ROBO1: variants seen among roughly 807,000 people sequenced by gnomAD.
The protein encoded by ROBO1 is roundabout homolog 1.
Under a neutral mutation model 195.9 loss-of-function variants are expected in ROBO1, and 149 were observed. The ratio of observed to expected loss-of-function variants is 0.76; its 90% CI spans 0.67 to 0.87. ROBO1 has a LOEUF of 0.87. Ranked by LOEUF, ROBO1 falls within the 40% of genes least tolerant of loss-of-function variation. The pLI is 0.00. For missense variants in ROBO1, 1,933 were observed against 2,068.3 expected (o/e 0.93, Z 1.27); for synonymous variants, 816 against 733.2 (o/e 1.11, Z -1.82).
chr3:78,641,333 T>A (rs546577630), intron 21 of ROBO1, among the ~76,000 whole-genome samples: 18 of 152,122 alleles, frequency 1.2e-4, no homozygotes, highest in Non-Finnish European at 1.5e-5. Flanking sequence ...TAAGATTTTA[T>A]AAACACATAC....
At chr3:79,681,414 A>C (rs1386561542) in intron 1 of ROBO1, among the ~76,000 whole-genome samples, 1 of 152,030 alleles carries the variant, frequency 6.6e-6, no homozygotes, top group African/African-American at 2.4e-5. Flanking sequence ...TTGAGTATAT[A>C]GAGAATATTA....
chr3:79,385,464 T>A (rs1360819625), intron 2 of ROBO1, among the ~76,000 whole-genome samples: 1 of 150,894 alleles, frequency 6.6e-6, no homozygotes, highest in African/African-American at 2.5e-5. Context: ...CTCAGTATCA[T>A]CATTGTAATG....
chr3:79,561,828 G>A (rs971091132), intron 2 of ROBO1, among the ~76,000 whole-genome samples: 1 of 152,004 alleles, frequency 6.6e-6, no homozygotes, highest in African/African-American at 2.4e-5. Flanking sequence ...CGCATAATAC[G>A]AATCACTGGG....
In ROBO1 at chr3:79,120,190, A is replaced by G. The variant is rs1576698936; in HGVS notation, c.172+5266T>C. Among the ~76,000 whole-genome samples, 4 of 152,322 alleles carry G rather than the reference A, an allele frequency of 2.6e-5. No homozygotes were observed. The South Asian group carries it at 6.2e-4, about 24-fold the overall frequency. ...AAGGTTGTTTCCCAGGAAGTTGGAG[A>G]AAAAAACAAAGAGTTAGAAATTAGG... On this transcript the variant is annotated intron_variant, in intron 3 of 30. Coordinates refer to ENST00000464233, the MANE Select transcript of ROBO1 (RefSeq NM_002941.4).
intron 1 of ROBO1, among the ~76,000 whole-genome samples, chr3:79,594,868 A>G (rs1446238001): frequency 6.6e-6 from 1 of 152,054 alleles, no homozygotes; most frequent in Non-Finnish European, 1.5e-5. Context: ...GTATTTGCAC[A>G]TTGCTTCATA....
At chr3:79,219,755 A>C (rs376666450) in intron 2 of ROBO1, among the ~76,000 whole-genome samples, 1 of 152,068 alleles carries the variant, frequency 6.6e-6, no homozygotes, top group African/African-American at 2.4e-5. Context: ...CACTGTCCAC[A>C]TTGTCATCAA....
intron 3 of ROBO1, among the ~76,000 whole-genome samples, chr3:79,016,270 CG>C (rs2077930720): frequency 6.6e-6 from 1 of 151,956 alleles, no homozygotes; most frequent in African/African-American, 2.4e-5. Context: ...ACAGCATGAG[CG>C]AAAGTGATCA....
intron 2 of ROBO1, among the ~76,000 whole-genome samples, chr3:79,301,957 G>A (rs1687769383): frequency 1.3e-5 from 2 of 152,132 alleles, no homozygotes; most frequent in South Asian, 4.1e-4. Context: ...TTGACTGTAT[G>A]TGTTCTACCC....
intron 4 of ROBO1, among the ~76,000 whole-genome samples, chr3:78,890,105 T>A (rs1221285621): frequency 6.6e-6 from 1 of 152,130 alleles, no homozygotes; most frequent in Non-Finnish European, 1.5e-5. Context: ...ATAGCCATCT[T>A]TTTCCCATTA....
chr3:79,249,577 G>T (rs1035066890), intron 2 of ROBO1, among the ~76,000 whole-genome samples: 1 of 152,126 alleles, frequency 6.6e-6, no homozygotes, highest in Admixed American at 6.6e-5. Flanking sequence ...TATGTATCTT[G>T]CTACAACAGG....
At chr3:79,105,293 T>C (rs753751414) in intron 3 of ROBO1, among the ~76,000 whole-genome samples, 6 of 151,752 alleles carry the variant, frequency 4.0e-5, no homozygotes, top group Non-Finnish European at 7.4e-5. Flanking sequence ...AAGGGCAAGA[T>C]GAACAAAGTG....
chr3:79,635,422 C>T (rs1945468582), intron 1 of ROBO1, among the ~76,000 whole-genome samples: 1 of 152,154 alleles, frequency 6.6e-6, no homozygotes, highest in African/African-American at 2.4e-5. Context: ...TGGTTGCTAT[C>T]TCCTCTTTCT....
At chr3:78,949,649 A>G (rs2107763881) in intron 3 of ROBO1, among the ~76,000 whole-genome samples, 1 of 152,186 alleles carries the variant, frequency 6.6e-6, no homozygotes, top group Admixed American at 6.5e-5. Context: ...ACAAAAGCCA[A>G]AATTGACAAA....
At chr3:79,267,146 G>A (rs1248165965) in intron 2 of ROBO1, among the ~76,000 whole-genome samples, 2 of 151,380 alleles carry the variant, frequency 1.3e-5, no homozygotes, top group African/African-American at 4.8e-5. Context: ...TATTTCAAGA[G>A]CTTGAAAGGT....
intron 3 of ROBO1, among the ~76,000 whole-genome samples, chr3:78,959,698 G>A (rs1372189637): frequency 6.6e-6 from 1 of 152,128 alleles, no homozygotes; most frequent in East Asian, 1.9e-4. Flanking sequence ...TAAAAGTTTT[G>A]TAAATTCACC....
intron 4 of ROBO1, among the ~76,000 whole-genome samples, chr3:78,816,162 G>T (rs936125105): frequency 4.6e-5 from 7 of 152,088 alleles, no homozygotes; most frequent in African/African-American, 1.7e-4. Flanking sequence ...TGAAGCCAAT[G>T]TTCATTTACC....
At chr3:78,701,498 C>A (rs2081420693) in intron 8 of ROBO1, among the ~76,000 whole-genome samples, 1 of 152,130 alleles carries the variant, frequency 6.6e-6, no homozygotes, top group Non-Finnish European at 1.5e-5. Context: ...TTTCAACAAT[C>A]TAGCATAGAG....
intron 2 of ROBO1, among the ~76,000 whole-genome samples, chr3:79,354,091 G>A (rs2035448878): frequency 6.6e-6 from 1 of 151,924 alleles, no homozygotes; most frequent in Admixed American, 6.6e-5. Flanking sequence ...TTTAGGAAGG[G>A]CACTATACTA....
intron 2 of ROBO1, among the ~76,000 whole-genome samples, chr3:79,241,652 A>C (rs1219478001): frequency 2.6e-5 from 4 of 151,130 alleles, no homozygotes; most frequent in African/African-American, 9.7e-5. Flanking sequence ...GATAGTAATA[A>C]CCAATATTTG....
Sources: allele counts gnomAD v4.1 joint callset (sites outside exome capture counted in the v4.1 genomes callset), GRCh38; gene constraint gnomAD v4.1.1; transcripts MANE v1.5; gene names NCBI Gene and HGNC (gene_info 2026-07-23, HGNC 2026-07-21).